The following NLGN1 variants were observed in gnomAD, a reference collection of about 807,000 sequenced individuals.
NLGN1 encodes neuroligin 1.
A neutral mutation model predicts 65.5 loss-of-function variants in NLGN1; 12 were observed. The ratio of observed to expected loss-of-function variants is 0.18; its 90% CI spans 0.12 to 0.30. The LOEUF is 0.30. NLGN1 is among the 10% of genes least tolerant of loss of function. NLGN1 has a pLI of 1.00. For missense variants in NLGN1, 750 were observed against 1,007.1 expected (o/e 0.74, Z 3.46); for synonymous variants, 350 against 359.5 (o/e 0.97, Z 0.30).
intron 4 of NLGN1, among the ~76,000 whole-genome samples, chr3:174,073,571 A>G (rs1467013720): frequency 2.0e-5 from 3 of 152,146 alleles, no homozygotes; most frequent in Non-Finnish European, 4.4e-5. Context: ...CTAAAAGTCT[A>G]TATGTAGCAG....
intron 4 of NLGN1, among the ~76,000 whole-genome samples, chr3:174,106,190 A>G: frequency 6.6e-6 from 1 of 152,312 alleles, no homozygotes; most frequent in South Asian, 2.1e-4. Context: ...TAGAGCTCGC[A>G]TAAAGTTTAT....
chr3:174,270,504 T>TCAAA (rs1160395810), intron 4 of NLGN1, among the ~76,000 whole-genome samples: 8 of 151,852 alleles, frequency 5.3e-5, no homozygotes, highest in Admixed American at 3.9e-4. Flanking sequence ...CAATTTTGAA[T>TCAAA]CAAACAGAAA....
At chr3:173,423,663 G>A (rs937981840) in intron 1 of NLGN1, among the ~76,000 whole-genome samples, 30 of 151,748 alleles carry the variant, frequency 2.0e-4, no homozygotes, top group African/African-American at 6.3e-4. Flanking sequence ...AATGCAAGCA[G>A]TGGGCTCCCA....
At chr3:173,807,569 A>G in intron 3 of NLGN1, 111 bp from the exon 4 acceptor site, 1 of 1,225,054 alleles carries the variant, frequency 8.2e-7, no homozygotes, top group Non-Finnish European at 1.1e-6. Context: ...CAGCAGTTTA[A>G]GAACTATATT....
chr3:173,400,419 C>T (rs937378107), intron 1 of NLGN1, among the ~76,000 whole-genome samples: 3 of 152,126 alleles, frequency 2.0e-5, no homozygotes, highest in South Asian at 2.1e-4. Context: ...TCCTGGCCCC[C>T]CTTCTGAATT....
chr3:173,936,260 C>T (rs979447308), intron 4 of NLGN1, among the ~76,000 whole-genome samples: 1 of 152,080 alleles, frequency 6.6e-6, no homozygotes, highest in Admixed American at 6.5e-5. Flanking sequence ...TCCTTAAGGG[C>T]ACCATTTTTC....
chr3:174,066,477 T>G (rs2152526111), intron 4 of NLGN1, among the ~76,000 whole-genome samples: 1 of 150,042 alleles, frequency 6.7e-6, no homozygotes, highest in Non-Finnish European at 1.5e-5. Flanking sequence ...CAAATATCAG[T>G]TTCATCTAAC....
chr3:173,783,387 T>G (rs964555881), intron 3 of NLGN1, among the ~76,000 whole-genome samples: 1 of 152,216 alleles, frequency 6.6e-6, no homozygotes, highest in Non-Finnish European at 1.5e-5. Flanking sequence ...AACAAGTTAC[T>G]GAGACTTTCA....
chr3:173,448,456 T>C, intron 2 of NLGN1, among the ~76,000 whole-genome samples: 1 of 152,224 alleles, frequency 6.6e-6, no homozygotes. Flanking sequence ...TTGCTGTATT[T>C]GGTTTGCCAG....
At chr3:174,252,687 TTA>T (rs1394959589) in intron 4 of NLGN1, among the ~76,000 whole-genome samples, 1 of 152,170 alleles carries the variant, frequency 6.6e-6, no homozygotes, top group East Asian at 1.9e-4. Context: ...TTTACATTCT[TTA>T]TCTTTAAGAC....
chr3:173,973,602 G>A (rs1332801414), intron 4 of NLGN1, among the ~76,000 whole-genome samples: 7 of 151,928 alleles, frequency 4.6e-5, no homozygotes, highest in Non-Finnish European at 8.8e-5. Context: ...ATGCTAGGAA[G>A]CCACATCAAA....
chr3:173,400,115 T>A (rs1313656274), intron 1 of NLGN1, among the ~76,000 whole-genome samples: 3 of 152,216 alleles, frequency 2.0e-5, no homozygotes, highest in African/African-American at 7.2e-5. Flanking sequence ...TTGCCACATT[T>A]TAAAGGCTTA....
At chr3:173,601,652 A>C (rs1750567568) in intron 2 of NLGN1, among the ~76,000 whole-genome samples, 1 of 151,998 alleles carries the variant, frequency 6.6e-6, no homozygotes, top group South Asian at 2.1e-4. Context: ...ATATCTATTG[A>C]TGGACATTTA....
intron 4 of NLGN1, among the ~76,000 whole-genome samples, chr3:174,063,761 G>A (rs1347340799): frequency 1.3e-5 from 2 of 152,096 alleles, no homozygotes; most frequent in Non-Finnish European, 2.9e-5. Flanking sequence ...TTAACAGTTG[G>A]TAAATTTAGG....
chr3:173,474,620 G>T (rs1011890379), intron 2 of NLGN1, among the ~76,000 whole-genome samples: 3 of 152,090 alleles, frequency 2.0e-5, no homozygotes, highest in African/African-American at 7.2e-5. Context: ...TCCTTGGTTA[G>T]TTTCAGTATA....
chr3:174,185,883 C>G (rs1731312487), intron 4 of NLGN1, among the ~76,000 whole-genome samples: 1 of 151,738 alleles, frequency 6.6e-6, no homozygotes. Flanking sequence ...TTTGCACTAA[C>G]TTTTTCCACT....
Position 174,220,855 on chromosome 3 carries a change from C to G in NLGN1, c.647-54460C>G, listed in dbSNP as rs114907222. On this transcript the variant is annotated intron_variant, in intron 4 of 6. Transcript: ENST00000457714. ...TAATTACTTGCCTTTTAGAAAGCAA[C>G]ACGTCTGCAATCTGCAAAGAGAGCC... Among the ~76,000 whole-genome samples, 50 of 152,254 alleles carry G rather than the reference C, an allele frequency of 3.3e-4. 1 individual carries two copies. The East Asian group carries it at 7.3e-3, about 22-fold the overall frequency.
intron 4 of NLGN1, among the ~76,000 whole-genome samples, chr3:173,870,162 A>G (rs1384784825): frequency 6.6e-6 from 1 of 152,204 alleles, no homozygotes; most frequent in Non-Finnish European, 1.5e-5. Flanking sequence ...TTATACATGT[A>G]ATGAATATAC....
chr3:173,509,839 A>G (rs1256253668), intron 2 of NLGN1, among the ~76,000 whole-genome samples: 2 of 152,192 alleles, frequency 1.3e-5, no homozygotes, highest in African/African-American at 2.4e-5. Context: ...GTATTATTGT[A>G]TATTTTTTCT....
Sources: gnomAD v4.1 joint callset for allele counts (sites outside exome capture counted in the v4.1 genomes callset) on GRCh38, gnomAD v4.1.1 for gene constraint, MANE v1.5 for transcripts, NCBI Gene and HGNC (gene_info 2026-07-23, HGNC 2026-07-21) for gene names.